The following LDLRAD4 variants were observed in gnomAD, a reference collection of about 807,000 sequenced individuals.
The protein encoded by LDLRAD4 is low density lipoprotein receptor class A domain containing 4, also known as low-density lipoprotein receptor class A domain-containing protein 4.
Under a neutral mutation model 17.0 loss-of-function variants are expected in LDLRAD4, and 5 were observed. The observed-to-expected ratio is 0.29, with a 90% CI of 0.15 to 0.62. The LOEUF (loss-of-function observed/expected upper bound fraction) is 0.62, where lower values mean the gene tolerates loss of function less well. Ranked by LOEUF, LDLRAD4 falls within the 20% of genes least tolerant of loss-of-function variation. The pLI, the probability that LDLRAD4 is intolerant of heterozygous loss-of-function variation, is 0.84. For synonymous variants in LDLRAD4, 168 were observed against 171.8 expected (o/e 0.98, Z 0.17); for missense variants, 340 against 424.7 (o/e 0.80, Z 1.75).
intron 1 of LDLRAD4, among the ~76,000 whole-genome samples, chr18:13,374,611 A>G (rs2144935190): frequency 6.6e-6 from 1 of 152,342 alleles, no homozygotes; most frequent in African/African-American, 2.4e-5. Context: ...GTGCATCAGA[A>G]TCACCTTTGG....
chr18:13,587,127 G>C (rs896862586), intron 3 of LDLRAD4, among the ~76,000 whole-genome samples: 3 of 152,162 alleles, frequency 2.0e-5, no homozygotes, highest in East Asian at 1.9e-4. Context: ...ACATACATCA[G>C]AATCTCCTAG....
intron 1 of LDLRAD4, among the ~76,000 whole-genome samples, chr18:13,228,558 C>G (rs751529564): frequency 6.6e-6 from 1 of 152,088 alleles, no homozygotes; most frequent in Non-Finnish European, 1.5e-5. Flanking sequence ...GAGGAAATGT[C>G]GGCAGTTGGT....
At chr18:13,600,073 TC>T (rs2095143430) in intron 3 of LDLRAD4, among the ~76,000 whole-genome samples, 2 of 152,240 alleles carry the variant, frequency 1.3e-5, no homozygotes, top group East Asian at 1.9e-4. Context: ...TGCCTTAGCC[TC>T]CCAGGTAGCT....
chr18:13,376,691 C>T (rs1256589280), intron 1 of LDLRAD4, among the ~76,000 whole-genome samples: 3 of 152,188 alleles, frequency 2.0e-5, no homozygotes, highest in South Asian at 2.1e-4. Flanking sequence ...CTCTATCACA[C>T]GCGGTTCCAG....
At chr18:13,387,421 C>T (rs1033770126) in exon 2 of LDLRAD4, 21 of 323,164 alleles carry the variant, frequency 6.5e-5, no homozygotes, top group East Asian at 2.2e-4. Context: ...ATGCTGGCAG[C>T]GGCGTGGCCA....
chr18:13,402,127 A>G (rs997547776), intron 2 of LDLRAD4, among the ~76,000 whole-genome samples: 1 of 152,168 alleles, frequency 6.6e-6, no homozygotes, highest in African/African-American at 2.4e-5. Flanking sequence ...CGTCTTTTAA[A>G]AAGATAGGAA....
intron 1 of LDLRAD4, among the ~76,000 whole-genome samples, chr18:13,235,360 T>A (rs2042285086): frequency 6.6e-6 from 1 of 152,242 alleles, no homozygotes; most frequent in East Asian, 1.9e-4. Context: ...TCCTAAGCTG[T>A]TTTCCTCTGT....
At chr18:13,288,432 G>T (rs1180903606) in intron 1 of LDLRAD4, among the ~76,000 whole-genome samples, 2 of 152,156 alleles carry the variant, frequency 1.3e-5, no homozygotes, top group African/African-American at 4.8e-5. Flanking sequence ...TTATAGTAAA[G>T]AAAAATTTAG....
At chr18:13,415,329 G>A (rs763767657) in intron 2 of LDLRAD4, among the ~76,000 whole-genome samples, 4 of 152,232 alleles carry the variant, frequency 2.6e-5, no homozygotes, top group African/African-American at 9.6e-5. Context: ...CTGGAAGTAT[G>A]ACCTTTCTCC....
At chr18:13,248,295 C>T (rs1435581498) in intron 1 of LDLRAD4, among the ~76,000 whole-genome samples, 2 of 152,236 alleles carry the variant, frequency 1.3e-5, no homozygotes, top group African/African-American at 2.4e-5. Flanking sequence ...ATTGTAAGAG[C>T]TGGACTAAAA....
intron 3 of LDLRAD4, among the ~76,000 whole-genome samples, chr18:13,523,409 C>T (rs2093982831): frequency 6.6e-6 from 1 of 152,308 alleles, no homozygotes; most frequent in South Asian, 2.1e-4. Flanking sequence ...GGCAAGGAAA[C>T]AGTGACCCCA....
chr18:13,506,798 C>T (rs1444125930), intron 3 of LDLRAD4, among the ~76,000 whole-genome samples: 1 of 152,180 alleles, frequency 6.6e-6, no homozygotes, highest in East Asian at 1.9e-4. Context: ...GGCATGGTAA[C>T]CAGTTGCCAA....
chr18:13,607,071 C>CA (rs1468343721), intron 3 of LDLRAD4, among the ~76,000 whole-genome samples: 2 of 152,212 alleles, frequency 1.3e-5, no homozygotes, highest in Non-Finnish European at 2.9e-5. Context: ...TGGTTAGTTT[C>CA]AGTGGTTGCT....
chr18:13,344,521 C>T (rs1304464168), intron 1 of LDLRAD4, among the ~76,000 whole-genome samples: 2 of 152,176 alleles, frequency 1.3e-5, no homozygotes, highest in East Asian at 1.9e-4. Flanking sequence ...TAGCATGATG[C>T]CTCCAGCTTT....
chr18:13,356,243 G>A (rs1394934367), intron 1 of LDLRAD4, among the ~76,000 whole-genome samples: 1 of 152,244 alleles, frequency 6.6e-6, no homozygotes, highest in Non-Finnish European at 1.5e-5. Context: ...TCTGTAGGGA[G>A]GAGGCTCCCA....
intron 3 of LDLRAD4, among the ~76,000 whole-genome samples, chr18:13,565,725 A>G (rs990433706): frequency 6.6e-6 from 1 of 152,224 alleles, no homozygotes; most frequent in African/African-American, 2.4e-5. Flanking sequence ...GGTGTGCTCA[A>G]TGGTGGCAGA....
upstream of LDLRAD4, among the ~76,000 whole-genome samples, chr18:13,276,107 C>T (rs932772823): frequency 5.9e-5 from 9 of 152,100 alleles, no homozygotes; most frequent in South Asian, 2.1e-4. Flanking sequence ...CTCTTGGGTT[C>T]AAGTGGTTCT....
intron 2 of LDLRAD4, among the ~76,000 whole-genome samples, chr18:13,424,152 G>GA (rs1380640199): frequency 0.03 from 3,869 of 129,628 alleles, 182 homozygotes; most frequent in African/African-American, 0.1. Flanking sequence ...AAAAAAGAAA[G>GA]AAAAAAAAAA....
At chr18:13,527,609 C>T (rs1191647040) in intron 3 of LDLRAD4, among the ~76,000 whole-genome samples, 1 of 152,208 alleles carries the variant, frequency 6.6e-6, no homozygotes, top group East Asian at 1.9e-4. Context: ...CTCACCGGCC[C>T]CTCTAGGAAA....
Sources: gnomAD v4.1 joint callset for allele counts (sites outside exome capture counted in the v4.1 genomes callset) on GRCh38, gnomAD v4.1.1 for gene constraint, MANE v1.5 for transcripts, NCBI Gene and HGNC (gene_info 2026-07-23, HGNC 2026-07-21) for gene names.